The following CELF2 variants were observed in gnomAD, a reference collection of about 807,000 sequenced individuals.
CELF2 encodes CUG triplet repeat RNA-binding protein 2.
CELF2 carries 8 observed loss-of-function variants against 62.6 expected under a neutral mutation model. That is an observed-to-expected ratio of 0.13 (90% CI 0.07 to 0.23). CELF2 has a LOEUF of 0.23. Among genes scored for constraint, CELF2 ranks in the 10% least tolerant of loss-of-function variants. CELF2 has a pLI of 1.00. For synonymous variants in CELF2, 258 were observed against 250.0 expected, an observed-to-expected ratio of 1.03 and a Z score of -0.30; for missense variants, 333 against 671.0, an observed-to-expected ratio of 0.50 and a Z score of 5.56.
chr10:11,038,560 A>G (rs1049057855), intron 1 of CELF2, among the ~76,000 whole-genome samples: 1 of 152,216 alleles, frequency 6.6e-6, no homozygotes, highest in African/African-American at 2.4e-5. Context: ...GTACTGGGAC[A>G]GTAGGAATTA....
Position 11,242,218 on chromosome 10 carries a change from A to G in CELF2, c.355-6935A>G, listed in dbSNP as rs1203289975. ...GATGCGTAACAGTGACTCTGTAAAAACCCATTTCAGGTTAAAAATGGCATG... is the reference window on the plus strand; with the variant it reads ...GATGCGTAACAGTGACTCTGTAAAAGCCCATTTCAGGTTAAAAATGGCATG... On this transcript the variant is annotated intron_variant, in intron 3 of 12. Coordinates refer to ENST00000633077, the MANE Select transcript of CELF2 (RefSeq NM_001326342.2). This position sits in a 1 kb window ranked among gnomAD's most constrained non-coding sequence, Gnocchi z 4.8. 6.6e-6 allele frequency among the ~76,000 whole-genome samples: 1 copy of G among 152,056 alleles called. No individual in the cohort carries two copies. Among genetic ancestry groups the G allele is most frequent in the African/African-American group, 2.4e-5 (1 of 41,372 alleles).
chr10:11,036,434 A>G (rs542856610), intron 1 of CELF2, among the ~76,000 whole-genome samples: 128 of 152,322 alleles, frequency 8.4e-4, no homozygotes, highest in Non-Finnish European at 1.4e-3. Context: ...AATTGAGGGT[A>G]TGTTCTATAC....
chr10:10,973,594 T>A (rs2051003402), intron 2 of CELF2, among the ~76,000 whole-genome samples: 1 of 151,962 alleles, frequency 6.6e-6, no homozygotes, highest in South Asian at 2.1e-4. Context: ...ACCCAGAAAG[T>A]CTCACTCAAA....
chr10:10,483,270 ACT>A, the CELF2 span, among the ~76,000 whole-genome samples: 3 of 151,828 alleles, frequency 2.0e-5, no homozygotes, highest in South Asian at 6.3e-4. Flanking sequence ...TTCAAATCAA[ACT>A]CTGTTTCTTA....
chr10:10,683,801 C>A, the CELF2 span, among the ~76,000 whole-genome samples: 11 of 152,278 alleles, frequency 7.2e-5, no homozygotes, highest in Admixed American at 3.9e-4. Context: ...TAGGATTAGC[C>A]TCTCTAACTG....
chr10:11,114,812 G>A (rs937554663), intron 1 of CELF2, among the ~76,000 whole-genome samples: 10 of 152,138 alleles, frequency 6.6e-5, no homozygotes, highest in African/African-American at 2.2e-4. Flanking sequence ...CAGAAGATGC[G>A]ATCATTTATT....
intron 2 of CELF2, among the ~76,000 whole-genome samples, chr10:10,930,081 A>G (rs2065917079): frequency 6.6e-6 from 1 of 152,220 alleles, no homozygotes; most frequent in East Asian, 1.9e-4. Context: ...ATCCATAGTG[A>G]CTGAATTAAA....
chr10:10,691,199 T>C, the CELF2 span, among the ~76,000 whole-genome samples: 1,254 of 151,654 alleles, frequency 8.3e-3, 4 homozygotes, highest in African/African-American at 0.011. Context: ...ATGTTCCCCT[T>C]CCTGTGTCCA....
In CELF2 at chr10:11,205,821, G is replaced by A. The variant is rs113225808; in HGVS notation, c.272-11604G>A. 7.4e-3 allele frequency among the ~76,000 whole-genome samples: 1,131 copies of A among 152,288 alleles called. 17 individuals are homozygous for A. The highest frequency in any genetic ancestry group is 0.026 in the African/African-American group (1,072 of 41,542). On this transcript the variant is annotated intron_variant, in intron 2 of 12. Transcript: ENST00000633077. Reference sequence around the variant, plus strand: ...GAAATGCGACTCAGCTATTGCCGGAGTGGGGTGAAGACAGTTATAACGGCC... The same window carrying A: ...GAAATGCGACTCAGCTATTGCCGGAATGGGGTGAAGACAGTTATAACGGCC...
chr10:11,092,027 T>C (rs538095662), intron 1 of CELF2, among the ~76,000 whole-genome samples: 2 of 152,064 alleles, frequency 1.3e-5, no homozygotes, highest in Non-Finnish European at 2.9e-5. Flanking sequence ...GGGATGATCA[T>C]TTCAACTAGA....
the CELF2 span, among the ~76,000 whole-genome samples, chr10:10,675,354 C>A: frequency 6.6e-6 from 1 of 152,222 alleles, no homozygotes; most frequent in African/African-American, 2.4e-5. Flanking sequence ...AGAGGTGAAT[C>A]TTTTTCCTTC....
At chr10:11,235,600 C>T (rs1044854374) in intron 3 of CELF2, among the ~76,000 whole-genome samples, 4 of 152,108 alleles carry the variant, frequency 2.6e-5, no homozygotes, top group Non-Finnish European at 4.4e-5. Flanking sequence ...GACTGAGCAA[C>T]GCTGGAGGAG....
rs538838695 is a variant in CELF2 at position 11,167,409 on chromosome 10, C to T, written c.271+1727C>T. Among the ~76,000 whole-genome samples the T allele has an allele frequency of 5.4e-4, 83 of 152,300 alleles. 1 individual carries two copies. The highest frequency in any genetic ancestry group is 3.9e-3 in the Admixed American group (59 of 15,298). ...CATCCTTGACAAGGAAAATGCGACT[C>T]CAAATTTTGGTTTATCAGCATTTTT... On this transcript the variant is annotated intron_variant, in intron 2 of 12. Coordinates refer to ENST00000633077, the MANE Select transcript of CELF2 (RefSeq NM_001326342.2).
At chr10:10,886,201 G>A (rs1242042018) in intron 1 of CELF2, among the ~76,000 whole-genome samples, 1 of 150,912 alleles carries the variant, frequency 6.6e-6, no homozygotes, top group Non-Finnish European at 1.5e-5. Context: ...GGTATTTATT[G>A]AGTCTGTGTA....
the CELF2 span, among the ~76,000 whole-genome samples, chr10:10,583,729 C>T: frequency 6.6e-6 from 1 of 152,168 alleles, no homozygotes; most frequent in African/African-American, 2.4e-5. Flanking sequence ...AAGACCGAGA[C>T]TGGCACTATC....
At chr10:10,891,455 G>A (rs775400718) in intron 1 of CELF2, among the ~76,000 whole-genome samples, 5 of 151,564 alleles carry the variant, frequency 3.3e-5, no homozygotes, top group African/African-American at 7.3e-5. Flanking sequence ...ACCTTTTACC[G>A]AATGTCTTCT....
chr10:11,126,891 T>A (rs2058789601), intron 1 of CELF2, among the ~76,000 whole-genome samples: 1 of 151,820 alleles, frequency 6.6e-6, no homozygotes, highest in African/African-American at 2.4e-5. Flanking sequence ...ATTTTCAGCC[T>A]CTTTATTGTC....
chr10:10,613,031 C>T, the CELF2 span, among the ~76,000 whole-genome samples: 1 of 152,180 alleles, frequency 6.6e-6, no homozygotes, highest in Non-Finnish European at 1.5e-5. Context: ...CAGAGGAAGT[C>T]AAGCAGCCTA....
chr10:11,197,236 A>G (rs2058201309), intron 2 of CELF2, among the ~76,000 whole-genome samples: 1 of 151,994 alleles, frequency 6.6e-6, no homozygotes. Flanking sequence ...TTCAGCTGGG[A>G]GACTTGGGAC....
Sources: allele counts gnomAD v4.1 joint callset (sites outside exome capture counted in the v4.1 genomes callset), GRCh38; gene constraint gnomAD v4.1.1; non-coding constraint Gnocchi (gnomAD v3.1); transcripts MANE v1.5; gene names NCBI Gene and HGNC (gene_info 2026-07-23, HGNC 2026-07-21).